Variants in PABPC4L observed in about 807,000 individuals in gnomAD.
The protein encoded by PABPC4L is polyadenylate-binding protein 4-like.
For synonymous variants in PABPC4L, 169 were observed against 164.1 expected (o/e 1.03, Z -0.23); for missense variants, 452 against 451.4 (o/e 1.00, Z -0.01).
the PABPC4L span, among the ~76,000 whole-genome samples, chr4:134,139,190 CTACT>C: frequency 6.6e-6 from 1 of 151,764 alleles, no homozygotes; most frequent in Non-Finnish European, 1.5e-5. Context: ...AATTTTAAAC[CTACT>C]TACTTTAGAT....
At chr4:134,178,111 A>G in the PABPC4L span, among the ~76,000 whole-genome samples, 2 of 152,084 alleles carry the variant, frequency 1.3e-5, no homozygotes, top group East Asian at 3.9e-4. Flanking sequence ...GAGGGCAGGC[A>G]CAACCTTGTA....
chr4:134,146,436 A>C, the PABPC4L span, among the ~76,000 whole-genome samples: 1 of 152,012 alleles, frequency 6.6e-6, no homozygotes, highest in Non-Finnish European at 1.5e-5. Flanking sequence ...AGTTTGGAGA[A>C]TGAGAAAAAA....
chr4:134,171,235 C>T, the PABPC4L span, among the ~76,000 whole-genome samples: 2 of 152,186 alleles, frequency 1.3e-5, no homozygotes, highest in Admixed American at 1.3e-4. Flanking sequence ...GCTGCCTCAG[C>T]CTCCCAAGTA....
At chr4:134,182,530 C>T in the PABPC4L span, among the ~76,000 whole-genome samples, 1 of 152,064 alleles carries the variant, frequency 6.6e-6, no homozygotes, top group Admixed American at 6.6e-5. Flanking sequence ...CCATTCTGGA[C>T]ATAGGACCTA....
At chr4:134,021,549 C>A in the PABPC4L span, among the ~76,000 whole-genome samples, 2 of 152,096 alleles carry the variant, frequency 1.3e-5, no homozygotes, top group Admixed American at 6.6e-5. Context: ...TTACAGCTGT[C>A]CCAAGCTGTT....
chr4:134,042,623 A>G, the PABPC4L span, among the ~76,000 whole-genome samples: 3 of 152,178 alleles, frequency 2.0e-5, no homozygotes, highest in Non-Finnish European at 2.9e-5. Flanking sequence ...TAATTTTGCC[A>G]TAACAACAAA....
the PABPC4L span, among the ~76,000 whole-genome samples, chr4:134,086,172 GT>G: frequency 4.3e-4 from 64 of 147,372 alleles, 1 homozygote; most frequent in African/African-American, 7.2e-4. Context: ...AAGAAGTTGG[GT>G]TTTTTTTTTC....
the PABPC4L span, among the ~76,000 whole-genome samples, chr4:134,012,083 A>G: frequency 6.6e-6 from 1 of 152,070 alleles, no homozygotes; most frequent in Non-Finnish European, 1.5e-5. Context: ...GAGTCTGTCT[A>G]TCTGGTTTGA....
Position 134,199,882 on chromosome 4 carries a change from A to C in PABPC4L, c.*25T>G. On this transcript the variant is annotated 3_prime_UTR_variant, in exon 2 of 2. Coordinates refer to ENST00000421491, the MANE Select transcript of PABPC4L (RefSeq NM_001114734.2). Reference sequence around the variant, plus strand: ...CATTCTCCCACCTGCTGCAGATACTAGCTGGAAAGGTACGTTTTTCTTTCC... The same window carrying C: ...CATTCTCCCACCTGCTGCAGATACTCGCTGGAAAGGTACGTTTTTCTTTCC... 4 of 1,548,244 alleles carry C rather than the reference A, an allele frequency of 2.6e-6. No homozygotes were observed. The highest frequency in any genetic ancestry group is 3.5e-6 in the Non-Finnish European group (4 of 1,146,106).
the PABPC4L span, among the ~76,000 whole-genome samples, chr4:134,000,201 T>G: frequency 6.6e-6 from 1 of 152,244 alleles, no homozygotes; most frequent in South Asian, 2.1e-4. Flanking sequence ...AAAAAGCATA[T>G]ACAACTTACT....
chr4:134,062,102 A>G, the PABPC4L span, among the ~76,000 whole-genome samples: 2 of 151,708 alleles, frequency 1.3e-5, no homozygotes, highest in South Asian at 4.2e-4. Flanking sequence ...AAATGTATGA[A>G]AAAGAAAAAA....
the PABPC4L span, among the ~76,000 whole-genome samples, chr4:134,058,079 T>A: frequency 6.6e-6 from 1 of 151,920 alleles, no homozygotes; most frequent in African/African-American, 2.4e-5. Flanking sequence ...GAAACGAAAA[T>A]GTAGTTATGC....
chr4:133,966,918 C>A, the PABPC4L span, among the ~76,000 whole-genome samples: 1 of 152,098 alleles, frequency 6.6e-6, no homozygotes, highest in African/African-American at 2.4e-5. Flanking sequence ...TTTTGGTGTT[C>A]CGGTGAAAGA....
chr4:133,997,940 A>G, the PABPC4L span, among the ~76,000 whole-genome samples: 22 of 151,976 alleles, frequency 1.4e-4, no homozygotes, highest in Non-Finnish European at 2.5e-4. Context: ...TTGTTTATAT[A>G]TATCAGCAAT....
the PABPC4L span, among the ~76,000 whole-genome samples, chr4:134,137,396 A>G: frequency 6.6e-6 from 1 of 151,910 alleles, no homozygotes; most frequent in Non-Finnish European, 1.5e-5. Context: ...TACAAGTATA[A>G]GAGATTAGAA....
chr4:134,146,206 G>A, the PABPC4L span, among the ~76,000 whole-genome samples: 5 of 151,520 alleles, frequency 3.3e-5, no homozygotes, highest in Non-Finnish European at 5.9e-5. Context: ...AAATTTATTA[G>A]CAAAATAATA....
the PABPC4L span, among the ~76,000 whole-genome samples, chr4:134,178,230 A>G: frequency 2.6e-5 from 4 of 152,006 alleles, no homozygotes; most frequent in Admixed American, 1.3e-4. Flanking sequence ...AGAACACCCC[A>G]CATAAGAAAT....
the PABPC4L span, among the ~76,000 whole-genome samples, chr4:134,082,864 C>T: frequency 7.7e-4 from 117 of 152,168 alleles, 3 homozygotes; most frequent in South Asian, 0.018. Flanking sequence ...GTCTTTGTTA[C>T]GGCAACATGA....
At chr4:133,967,839 C>A in the PABPC4L span, among the ~76,000 whole-genome samples, 74 of 152,204 alleles carry the variant, frequency 4.9e-4, no homozygotes, top group African/African-American at 1.8e-3. Context: ...GAATGTGATG[C>A]CAAGCAACTT....
Sources: allele counts gnomAD v4.1 joint callset (sites outside exome capture counted in the v4.1 genomes callset), GRCh38; gene constraint gnomAD v4.1.1; transcripts MANE v1.5; gene names NCBI Gene and HGNC (gene_info 2026-07-23, HGNC 2026-07-21).